The following IFI16 variants were observed in gnomAD, a reference collection of about 807,000 sequenced individuals.
IFI16 encodes the protein gamma-interferon-inducible protein 16.
A neutral mutation model predicts 68.4 loss-of-function variants in IFI16; 49 were observed. The ratio of observed to expected loss-of-function variants is 0.72; its 90% CI spans 0.57 to 0.91. The LOEUF (loss-of-function observed/expected upper bound fraction) is 0.91. IFI16 is among the 40% of genes least tolerant of loss of function. The probability of loss-of-function intolerance (pLI) is 0.00; values close to 1 mark genes in which losing one functional copy is unlikely to be tolerated. For synonymous variants in IFI16, 307 were observed against 315.0 expected, an observed-to-expected ratio of 0.97 and a Z score of 0.27; for missense variants, 878 against 942.9, an observed-to-expected ratio of 0.93 and a Z score of 0.90.
chr1:159,026,290 ATTTC>A (rs989469159), intron 6 of IFI16, among the ~76,000 whole-genome samples: 1 of 115,964 alleles, frequency 8.6e-6, no homozygotes, highest in African/African-American at 3.2e-5. Context: ...CATTTTCTTT[ATTTC>A]TTTCTTTTTT....
chr1:159,010,913 C>T (rs1652509059), intron 1 of IFI16, among the ~76,000 whole-genome samples: 1 of 152,076 alleles, frequency 6.6e-6, no homozygotes, highest in Non-Finnish European at 1.5e-5. Context: ...TTTCTATAGC[C>T]TGGTACAATA....
At position 159,016,614 on chromosome 1, in the gene IFI16, G is replaced by T; in HGVS notation, c.463G>T (p.Ala155Ser). 1 of 1,614,126 alleles carries T rather than the reference G, an allele frequency of 6.2e-7. No individual in the cohort carries two copies. Among genetic ancestry groups the T allele is most frequent in the Non-Finnish European group, 8.5e-7 (1 of 1,180,004 alleles). Reference sequence around the variant, plus strand: ...GGAACAGACTCAGCCTCCCTCTCCTGCAGGAGCCGGCATGTCCACAGCCAT... The same window carrying T: ...GGAACAGACTCAGCCTCCCTCTCCTTCAGGAGCCGGCATGTCCACAGCCAT... ...SEEQTQPPSP[A>S]GAGMSTAMGR... The change falls in exon 4 of 12, where the codon GCA (alanine) becomes TCA (serine). Residue 155 changes from alanine to serine, a missense_variant. Ala to Ser is a moderately conservative substitution (Grantham distance 99). Around this residue, in one of 4 missense-constraint regions of IFI16, gnomAD observed 443 missense variants for 421.8 expected, o/e 1.05. Transcript: ENST00000295809.
chr1:159,049,381 T>A, intron 8 of IFI16, 51 bp from the exon 9 acceptor site: 1 of 878,916 alleles, frequency 1.1e-6, no homozygotes, highest in Non-Finnish European at 1.7e-6. Context: ...TTTCATCTGA[T>A]CTTGAAAAAC....
chr1:159,040,258 A>G (rs1333857782), intron 7 of IFI16, among the ~76,000 whole-genome samples: 6 of 152,236 alleles, frequency 3.9e-5, no homozygotes, highest in African/African-American at 1.4e-4. Flanking sequence ...TTTAAATAGT[A>G]TAATAACATT....
intron 7 of IFI16, among the ~76,000 whole-genome samples, chr1:159,041,272 A>C (rs1654620131): frequency 6.6e-6 from 1 of 152,232 alleles, no homozygotes; most frequent in South Asian, 2.1e-4. Context: ...TCACTTGAAC[A>C]AAGTGTAAGA....
chr1:159,009,530 A>G (rs1458926417), upstream of IFI16, among the ~76,000 whole-genome samples: 1 of 152,042 alleles, frequency 6.6e-6, no homozygotes, highest in African/African-American at 2.4e-5. Flanking sequence ...TGCTTCTCTT[A>G]TATTTGAGCA....
In IFI16 at chr1:159,048,745, A is replaced by G. The variant is rs550878100; in HGVS notation, c.1498-687A>G. Among the ~76,000 whole-genome samples, 10 of 151,732 alleles carry G rather than the reference A, an allele frequency of 6.6e-5. 1 individual carries two copies. Among genetic ancestry groups the G allele is most frequent in the South Asian group, 4.1e-4 (2 of 4,826 alleles). Reference sequence around the variant, plus strand: ...GGTGAATATTTTTTGGACTTCCATTAGTTTAATTAAAGGTAGTCAAGGTAT... The same window carrying G: ...GGTGAATATTTTTTGGACTTCCATTGGTTTAATTAAAGGTAGTCAAGGTAT... On this transcript the variant is annotated intron_variant, in intron 8 of 11. Coordinates refer to ENST00000295809, the MANE Select transcript of IFI16 (RefSeq NM_001376587.1).
At position 159,049,756 on chromosome 1, in the gene IFI16, A is replaced by G. The variant is rs562788192; in HGVS notation, c.1665+157A>G. 5.6e-4 allele frequency among the ~76,000 whole-genome samples: 86 copies of G among 152,368 alleles called. 1 individual carries two copies. In the Middle Eastern group the frequency reaches 0.01, roughly 18 times the overall value. ...TATCAAGTGTGTATTTTGAGGTCCTATCCAAAATTAAAATTCTGTTTTTAT... is the reference window on the plus strand; with the variant it reads ...TATCAAGTGTGTATTTTGAGGTCCTGTCCAAAATTAAAATTCTGTTTTTAT... On this transcript the variant is annotated intron_variant, in intron 9 of 11. Coordinates refer to ENST00000295809, the MANE Select transcript of IFI16 (RefSeq NM_001376587.1).
rs191091540 is a variant in IFI16, at chr1:159,021,835, C to G, written c.1161+1306C>G. On this transcript the variant is annotated intron_variant, in intron 6 of 11. Coordinates refer to ENST00000295809, the MANE Select transcript of IFI16 (RefSeq NM_001376587.1). Reference sequence around the variant, plus strand: ...GGCATCATTTTGTGGTTTTGATTTGCATTTCCCTGATCATTAGTGATGTTG... The same window carrying G: ...GGCATCATTTTGTGGTTTTGATTTGGATTTCCCTGATCATTAGTGATGTTG... 8.5e-3 allele frequency among the ~76,000 whole-genome samples: 1,289 copies of G among 152,058 alleles called. 13 individuals are homozygous for G. The highest frequency in any genetic ancestry group is 0.014 in the Non-Finnish European group (935 of 67,986).
chr1:159,018,045 C>A (rs1653045802), intron 4 of IFI16, among the ~76,000 whole-genome samples, 184 bp from the exon 5 acceptor site: 1 of 152,238 alleles, frequency 6.6e-6, no homozygotes, highest in African/African-American at 2.4e-5. Flanking sequence ...TCTGTTACTT[C>A]ATCTTGCTAT....
At position 159,014,641 on chromosome 1, in the gene IFI16, T is replaced by C. The variant is rs1475453331; in HGVS notation, c.-20-20T>C. The C allele has an allele frequency of 6.6e-7, 1 of 1,517,146 alleles. No homozygotes were observed. Among genetic ancestry groups the C allele is most frequent in the Non-Finnish European group, 8.9e-7 (1 of 1,118,888 alleles). 94.0% of individuals were successfully genotyped at this position (1,517,146 alleles called of 1,614,324 possible). A position where few individuals can be genotyped will look rare whatever the true frequency, so the allele number is the denominator to read the frequency against. ...GTCTGTATACATGTGTAACACTGTATATACCATTTTCTCTTGTAGGCTCAC... is the reference window on the plus strand; with the variant it reads ...GTCTGTATACATGTGTAACACTGTACATACCATTTTCTCTTGTAGGCTCAC... On this transcript the variant is annotated intron_variant, in intron 1 of 11. Transcript: ENST00000295809.
chr1:159,023,147 A>G (rs899028200), intron 6 of IFI16, among the ~76,000 whole-genome samples: 1 of 152,108 alleles, frequency 6.6e-6, no homozygotes, highest in African/African-American at 2.4e-5. Context: ...CCAATGTTTT[A>G]TTATTTTAGA....
At chr1:159,044,801 A>C (rs191794205) in intron 7 of IFI16, among the ~76,000 whole-genome samples, 1 of 152,278 alleles carries the variant, frequency 6.6e-6, no homozygotes, top group African/African-American at 2.4e-5. Flanking sequence ...TCCCTGAGGA[A>C]TTGTGAATTT....
At chr1:159,052,312 T>G in intron 10 of IFI16, 1 of 551,166 alleles carries the variant, frequency 1.8e-6, no homozygotes, top group East Asian at 3.0e-5. Context: ...ATCATGCAAG[T>G]TATTTAGACA....
At position 159,016,703 on chromosome 1, in the gene IFI16, A is replaced by G. The variant is rs1165444341; in HGVS notation, c.549+3A>G. On this transcript the variant is annotated splice_donor_region_variant and intron_variant, in intron 4 of 11. Coordinates refer to ENST00000295809, the MANE Select transcript of IFI16 (RefSeq NM_001376587.1). ...CACCCAACAGTTCTTCAACTGAGGT[A>G]CACTCTTCCTGGTCCCATTTTGCTT... The G allele has an allele frequency of 1.9e-6, 3 of 1,610,386 alleles. No homozygotes were observed. The highest frequency in any genetic ancestry group is 1.1e-5 in the South Asian group (1 of 90,372).
intron 1 of IFI16, among the ~76,000 whole-genome samples, chr1:159,012,656 G>A (rs147249665): frequency 6.6e-6 from 1 of 152,272 alleles, no homozygotes; most frequent in Non-Finnish European, 1.5e-5. Context: ...TGCTGCCTGC[G>A]TCAGTCACAA....
chr1:159,038,592 CTT>C (rs889301479), intron 7 of IFI16, among the ~76,000 whole-genome samples: 43 of 152,322 alleles, frequency 2.8e-4, no homozygotes, highest in African/African-American at 9.9e-4. Flanking sequence ...ATCTTGAACT[CTT>C]GGCCTCAAGT....
intron 7 of IFI16, 114 bp downstream of exon 7, chr1:159,032,805 G>A: frequency 1.2e-6 from 1 of 829,102 alleles, no homozygotes; most frequent in Non-Finnish European, 1.8e-6. Context: ...TACAATCTTG[G>A]TATGAAATTA....
chr1:159,035,927 G>A (rs1051687418), intron 7 of IFI16, among the ~76,000 whole-genome samples: 1 of 152,118 alleles, frequency 6.6e-6, no homozygotes, highest in African/African-American at 2.4e-5. Flanking sequence ...CTGGTTATGG[G>A]ACTGTTTTAC....
Sources: gnomAD v4.1 joint callset for allele counts (sites outside exome capture counted in the v4.1 genomes callset) on GRCh38, gnomAD v4.1.1 for gene constraint, gnomAD v4.1.1 regional missense constraint, MANE v1.5 for transcripts, NCBI Gene and HGNC (gene_info 2026-07-23, HGNC 2026-07-21) for gene names.